PAG1: variants seen among roughly 807,000 people sequenced by gnomAD.
PAG1 encodes phosphoprotein associated with glycosphingolipid-enriched microdomains 1.
Under a neutral mutation model 31.7 loss-of-function variants are expected in PAG1, and 23 were observed. The ratio of observed to expected loss-of-function variants is 0.73; its 90% confidence interval spans 0.52 to 1.03. The LOEUF is 1.03. Ranked by LOEUF, PAG1 falls within the 50% of genes least tolerant of loss-of-function variation. PAG1 has a pLI of 0.00. For missense variants in PAG1, 473 were observed against 540.7 expected, an observed-to-expected ratio of 0.87 and a Z score of 1.24; for synonymous variants, 214 against 210.3, an observed-to-expected ratio of 1.02 and a Z score of -0.15.
chr8:80,979,647 T>C (rs1807257661), intron 8 of PAG1, among the ~76,000 whole-genome samples: 1 of 152,274 alleles, frequency 6.6e-6, no homozygotes, highest in African/African-American at 2.4e-5. Flanking sequence ...CAGAGTCCTA[T>C]AGGAAGTGAT....
chr8:81,005,069 T>G (rs1226459724), intron 3 of PAG1, among the ~76,000 whole-genome samples: 1 of 152,010 alleles, frequency 6.6e-6, no homozygotes, highest in Non-Finnish European at 1.5e-5. Context: ...GCATTCAAAA[T>G]CACACAGAAC....
Position 80,984,861 on chromosome 8 carries a change from A to G in PAG1, c.791T>C (p.Leu264Pro). 1 of 1,614,108 alleles carries G rather than the reference A, an allele frequency of 6.2e-7. No individual in the cohort carries two copies. The highest frequency in any genetic ancestry group is 8.5e-7 in the Non-Finnish European group (1 of 1,180,002). ...EEAPPPVPVK[L>P]LDENENLQEK... Reference sequence around the variant, plus strand: ...CTGAAGGTTTTCATTCTCGTCCAGAAGCTTAACAGGGACAGGTGGTGGGGC... The same window carrying G: ...CTGAAGGTTTTCATTCTCGTCCAGAGGCTTAACAGGGACAGGTGGTGGGGC... Residue 264 changes from leucine (L) to proline (P), a missense_variant, in exon 7 of 9, where the codon CTT (leucine) becomes CCT (proline). By Grantham distance (98) the Leu-to-Pro change is moderately conservative. Coordinates refer to ENST00000220597, the MANE Select transcript of PAG1 (RefSeq NM_018440.4).
chr8:81,035,465 C>A (rs1434585956), intron 2 of PAG1, among the ~76,000 whole-genome samples: 2 of 152,142 alleles, frequency 1.3e-5, no homozygotes, highest in African/African-American at 4.8e-5. Context: ...GGAGATTCAG[C>A]AAACAAACAC....
In PAG1 at chr8:80,985,365, T is replaced by A. The variant is rs577098097; in HGVS notation, c.287A>T (p.Asp96Val). The change falls in exon 7 of 9, where the codon GAC becomes GTC. Residue 96 changes from aspartate to valine, a missense_variant. Physicochemically the swap from Asp to Val is radical, Grantham distance 152. Coordinates refer to ENST00000220597, the MANE Select transcript of PAG1 (RefSeq NM_018440.4). The stretch of plus-strand genomic sequence containing the variant: ...ATGCTGCATGCAGGTCAGAGTACTG[T>A]CCTCTGAAAGAACTAAAGCAGCACA... The part of the protein sequence containing the change: ...ALTNGDILSE[D>V]STLTCMQHYE... 6.2e-7 allele frequency: 1 copy of A among 1,611,914 alleles called. No homozygotes were observed. The highest frequency in any genetic ancestry group is 1.7e-5 in the Admixed American group (1 of 59,868).
chr8:81,073,683 T>C (rs1809129909), intron 1 of PAG1, among the ~76,000 whole-genome samples: 1 of 152,188 alleles, frequency 6.6e-6, no homozygotes, highest in African/African-American at 2.4e-5. Context: ...CTATTCTAGG[T>C]GGGGGTTTCG....
chr8:80,973,128 TA>T lies in PAG1; in HGVS notation c.*3415del, dbSNP rs1310783563. On this transcript the variant is annotated 3_prime_UTR_variant, in exon 9 of 9. Coordinates refer to ENST00000220597, the MANE Select transcript of PAG1 (RefSeq NM_018440.4). ...GGGATTTTGAGGGCAGATAAATCAG[TA>T]ATTAGCCTTTATCCCAGAAAGAATA... 3 of 152,144 alleles carry T rather than the reference TA, an allele frequency of 2.0e-5. No homozygotes were observed. The highest frequency in any genetic ancestry group is 2.0e-4 in the Admixed American group (3 of 15,274). 9.4% of individuals were successfully genotyped at this position (152,144 alleles called of 1,614,324 possible). A position where few individuals can be genotyped will look rare whatever the true frequency, so the allele number is the denominator to read the frequency against.
At chr8:80,986,809 G>A (rs1053679642) in intron 6 of PAG1, among the ~76,000 whole-genome samples, 1 of 144,882 alleles carries the variant, frequency 6.9e-6, no homozygotes, top group South Asian at 2.4e-4. Flanking sequence ...TGAATAGGGA[G>A]GGGGGAGGGT....
chr8:81,006,735 A>C (rs759596366), intron 3 of PAG1, among the ~76,000 whole-genome samples: 1 of 152,144 alleles, frequency 6.6e-6, no homozygotes, highest in African/African-American at 2.4e-5. Context: ...GTTTATGAAA[A>C]GTCTTGGAGT....
chr8:80,979,986 C>G (rs996611050), intron 8 of PAG1, among the ~76,000 whole-genome samples: 2 of 152,172 alleles, frequency 1.3e-5, no homozygotes, highest in African/African-American at 4.8e-5. Flanking sequence ...TTAATCTGCT[C>G]TCAGCATCCA....
Position 81,019,795 on chromosome 8 carries a change from T to C in PAG1, c.-81+10201A>G, listed in dbSNP as rs59099512. ...ACTGGGGCACTGCCTAGTACAGCCA[T>C]GAGAAGAGGGCCACTGTCCTCCAGA... On this transcript the variant is annotated intron_variant, in intron 3 of 8. Transcript: ENST00000220597. Among the ~76,000 whole-genome samples, 634 of 152,256 alleles carry C rather than the reference T, an allele frequency of 4.2e-3. 4 individuals are homozygous for C. Among genetic ancestry groups the C allele is most frequent in the African/African-American group, 0.014 (590 of 41,546 alleles).
At chr8:81,109,015 C>T (rs918520932) in intron 1 of PAG1, among the ~76,000 whole-genome samples, 2 of 151,386 alleles carry the variant, frequency 1.3e-5, no homozygotes, top group African/African-American at 2.4e-5. Context: ...TGCAGCTACA[C>T]GTGCAGGCAG....
chr8:80,987,381 G>T lies in PAG1; in HGVS notation c.263C>A (p.Thr88Asn). 2 of 1,609,784 alleles carry T rather than the reference G, an allele frequency of 1.2e-6. No homozygotes were observed. The highest frequency in any genetic ancestry group is 2.2e-5 in the East Asian group (1 of 44,862). The change falls in exon 6 of 9, where the codon ACC becomes AAC. Residue 88 changes from threonine (T) to asparagine (N), a missense_variant. Thr to Asn is a moderately conservative substitution (Grantham distance 65, BLOSUM62 0). Transcript: ENST00000220597. ...TTTGCAGAACTTACTGTCCCCATTG[G>T]TGAGTGCCCCATTCTGCTCACTGCT... is the stretch of plus-strand genomic sequence containing the variant. ...PASSEQNGAL[T>N]NGDILSEDST...
intron 2 of PAG1, among the ~76,000 whole-genome samples, chr8:81,056,509 C>T (rs966839567): frequency 4.6e-5 from 7 of 152,114 alleles, no homozygotes; most frequent in Non-Finnish European, 8.8e-5. Context: ...GGAAAACTGG[C>T]TAGCCATATG....
At chr8:81,020,286 G>A (rs1368072182) in intron 3 of PAG1, among the ~76,000 whole-genome samples, 1 of 152,104 alleles carries the variant, frequency 6.6e-6, no homozygotes, top group Non-Finnish European at 1.5e-5. Flanking sequence ...AGGCATGATT[G>A]GTTTTGAAAT....
intron 2 of PAG1, among the ~76,000 whole-genome samples, chr8:81,048,535 C>T (rs913186276): frequency 4.6e-5 from 7 of 152,106 alleles, no homozygotes; most frequent in Non-Finnish European, 7.4e-5. Context: ...CTGCCCCAGC[C>T]GCTGTGACCT....
chr8:81,070,201 C>T (rs183561841), intron 1 of PAG1, 31 bp from the exon 2 acceptor site: 2 of 152,192 alleles, frequency 1.3e-5, no homozygotes, highest in East Asian at 3.9e-4. Flanking sequence ...AAAACAATTT[C>T]AAAATTCTGA....
At chr8:81,003,551 T>TA (rs1807824220) in intron 3 of PAG1, among the ~76,000 whole-genome samples, 1 of 152,154 alleles carries the variant, frequency 6.6e-6, no homozygotes, top group Non-Finnish European at 1.5e-5. Context: ...AGTGATCGGG[T>TA]ACATTGCTGC....
intron 1 of PAG1, among the ~76,000 whole-genome samples, chr8:81,108,851 T>C (rs1213635200): frequency 6.6e-6 from 1 of 152,218 alleles, no homozygotes; most frequent in Non-Finnish European, 1.5e-5. Flanking sequence ...AAATTATTTC[T>C]TTTTCTGAAC....
At chr8:81,104,567 T>C (rs1177399791) in intron 1 of PAG1, among the ~76,000 whole-genome samples, 1 of 152,114 alleles carries the variant, frequency 6.6e-6, no homozygotes, top group Non-Finnish European at 1.5e-5. Context: ...CTCTGGTGCC[T>C]CACAGTGCAT....
Sources: allele counts gnomAD v4.1 joint callset (sites outside exome capture counted in the v4.1 genomes callset), GRCh38; gene constraint gnomAD v4.1.1; transcripts MANE v1.5; gene names NCBI Gene and HGNC (gene_info 2026-07-23, HGNC 2026-07-21).